ZBTB20: variants seen among roughly 807,000 people sequenced by gnomAD.
The protein encoded by ZBTB20 is zinc finger and BTB domain containing 20.
In ZBTB20, 9 loss-of-function variants were observed where a neutral mutation model predicts 56.9. The observed-to-expected ratio is 0.16, with a 90% CI of 0.10 to 0.28. The LOEUF (loss-of-function observed/expected upper bound fraction) is 0.28. Among genes scored for constraint, ZBTB20 ranks in the 10% least tolerant of loss-of-function variants. The pLI is 1.00. For synonymous variants in ZBTB20, 417 were observed against 420.7 expected (o/e 0.99, Z 0.11); for missense variants, 655 against 1,003.0 (o/e 0.65, Z 4.69).
intron 4 of ZBTB20, among the ~76,000 whole-genome samples, chr3:114,899,942 A>G (rs1399378743): frequency 6.6e-6 from 1 of 152,154 alleles, no homozygotes; most frequent in Non-Finnish European, 1.5e-5. Context: ...AAGCAGCAAA[A>G]TAAAAAAAAG....
intron 6 of ZBTB20, chr3:114,658,626 T>C (rs2060543108): frequency 6.6e-6 from 1 of 152,204 alleles, no homozygotes; most frequent in African/African-American, 2.4e-5. Flanking sequence ...TTGCTCTCTA[T>C]CATCTCCGTG....
chr3:114,641,212 A>G (rs1038320977), intron 6 of ZBTB20, among the ~76,000 whole-genome samples: 1 of 152,008 alleles, frequency 6.6e-6, no homozygotes. Context: ...GACTGTAGAA[A>G]AATTTGGCCA....
rs986092033 is a variant in ZBTB20, at chr3:114,856,992, A to G, written c.-417+43312T>C. On this transcript the variant is annotated intron_variant, in intron 4 of 11. Transcript: ENST00000675478. ...CCCTGAATTTCTTACATATTAAAAA[A>G]AAGTCACTGGTTTGTTGAGATACCA... Among the ~76,000 whole-genome samples, 9 of 152,308 alleles carry G rather than the reference A, an allele frequency of 5.9e-5. No individual in the cohort carries two copies. The South Asian group carries it at 1.7e-3, about 28-fold the overall frequency.
intron 4 of ZBTB20, among the ~76,000 whole-genome samples, chr3:114,827,547 T>C (rs1387261114): frequency 1.3e-5 from 2 of 151,970 alleles, no homozygotes; most frequent in Middle Eastern, 6.8e-3. Context: ...TATCTACTAG[T>C]AGTAATACTT....
intron 5 of ZBTB20, among the ~76,000 whole-genome samples, chr3:114,732,782 C>A (rs1271465372): frequency 6.6e-6 from 1 of 152,080 alleles, no homozygotes. Context: ...GCAGGTTGGA[C>A]TTTAAATGCA....
chr3:114,696,239 CA>C (rs1392457794), intron 5 of ZBTB20, among the ~76,000 whole-genome samples: 1 of 152,000 alleles, frequency 6.6e-6, no homozygotes, highest in Non-Finnish European at 1.5e-5. Context: ...CAGTGTTAAA[CA>C]AATTCATAAC....
At chr3:114,648,075 A>T (rs1228732118) in intron 6 of ZBTB20, among the ~76,000 whole-genome samples, 2 of 152,030 alleles carry the variant, frequency 1.3e-5, no homozygotes, top group Admixed American at 1.3e-4. Context: ...ATTTTGTGCT[A>T]TGTTTTGACT....
chr3:114,618,238 C>CCT (rs1553768477), intron 6 of ZBTB20, among the ~76,000 whole-genome samples: 1 of 119,292 alleles, frequency 8.4e-6, no homozygotes, highest in Non-Finnish European at 1.7e-5. Flanking sequence ...TGTTTCTTTC[C>CCT]TTTTTTTTTT....
intron 6 of ZBTB20, among the ~76,000 whole-genome samples, chr3:114,649,615 G>T (rs1274841451): frequency 6.6e-6 from 1 of 151,824 alleles, no homozygotes; most frequent in African/African-American, 2.4e-5. Flanking sequence ...TTCCACATGT[G>T]TCATAGGAAT....
At chr3:114,620,512 G>A (rs1221127958) in intron 6 of ZBTB20, among the ~76,000 whole-genome samples, 1 of 152,020 alleles carries the variant, frequency 6.6e-6, no homozygotes, top group Non-Finnish European at 1.5e-5. Flanking sequence ...GGCTGGTCTC[G>A]AACTCCTGAC....
chr3:114,468,715 T>C (rs1380866586), intron 7 of ZBTB20, among the ~76,000 whole-genome samples: 2 of 152,134 alleles, frequency 1.3e-5, no homozygotes, highest in Non-Finnish European at 2.9e-5. Context: ...GTCTTTGCAA[T>C]GCTATTATTT....
chr3:114,611,434 G>A (rs2057543997), intron 6 of ZBTB20, among the ~76,000 whole-genome samples: 1 of 152,174 alleles, frequency 6.6e-6, no homozygotes. Flanking sequence ...AACATCAAGA[G>A]TAATTTATGT....
At chr3:114,804,422 A>C (rs2071948562) in intron 4 of ZBTB20, among the ~76,000 whole-genome samples, 1 of 151,918 alleles carries the variant, frequency 6.6e-6, no homozygotes, top group Non-Finnish European at 1.5e-5. Flanking sequence ...ATGTTAATTC[A>C]GGCACTTCTC....
At chr3:114,712,992 A>G (rs1448424109) in intron 5 of ZBTB20, among the ~76,000 whole-genome samples, 1 of 152,194 alleles carries the variant, frequency 6.6e-6, no homozygotes, top group Admixed American at 6.5e-5. Context: ...CGATGTATCT[A>G]TATGTAGGAT....
intron 3 of ZBTB20, among the ~76,000 whole-genome samples, chr3:114,902,859 G>A (rs1179524255): frequency 1.3e-5 from 2 of 152,116 alleles, no homozygotes; most frequent in Non-Finnish European, 2.9e-5. Context: ...CACCACCAGG[G>A]AAAGAAAAGA....
In ZBTB20 at chr3:114,420,541, C is replaced by A. The variant is rs544179553; in HGVS notation, c.-254-31436G>T. ...ATACAGGAGAATGATGTCTCCTTGA[C>A]TTTTGTCTGACTCTTCTCTGGTTTT... On this transcript the variant is annotated intron_variant, in intron 7 of 11. Coordinates refer to ENST00000675478, the MANE Select transcript of ZBTB20 (RefSeq NM_001348800.3). Among the ~76,000 whole-genome samples the A allele has an allele frequency of 1.2e-4, 18 of 152,234 alleles. No individual in the cohort carries two copies. In the East Asian group the frequency reaches 3.5e-3, roughly 29 times the overall value.
chr3:114,415,093 T>A (rs935711194), intron 7 of ZBTB20, among the ~76,000 whole-genome samples: 2 of 152,036 alleles, frequency 1.3e-5, no homozygotes, highest in Non-Finnish European at 2.9e-5. Flanking sequence ...GAAAAATCAA[T>A]GTGGTTTGAT....
rs2087868344 is a variant in ZBTB20 at position 114,410,815 on chromosome 3, G to T, written c.-254-21710C>A. Reference sequence around the variant, plus strand: ...GGAGCAGACAGGTGGCAGATTTGAGGTCCGGAGGAGAGGAAGGGCTCCATT... The same window carrying T: ...GGAGCAGACAGGTGGCAGATTTGAGTTCCGGAGGAGAGGAAGGGCTCCATT... On this transcript the variant is annotated intron_variant, in intron 7 of 11. Coordinates refer to ENST00000675478, the MANE Select transcript of ZBTB20 (RefSeq NM_001348800.3). 2.0e-5 allele frequency among the ~76,000 whole-genome samples: 3 copies of T among 152,126 alleles called. No homozygotes were observed. The South Asian group carries it at 6.2e-4, about 31-fold the overall frequency.
At chr3:114,912,241 T>C in intron 3 of ZBTB20, among the ~76,000 whole-genome samples, 1 of 150,266 alleles carries the variant, frequency 6.7e-6, no homozygotes, top group Non-Finnish European at 1.5e-5. Flanking sequence ...AGGGAGGTCA[T>C]CACAAGACTT....
Sources: allele counts gnomAD v4.1 joint callset (sites outside exome capture counted in the v4.1 genomes callset), GRCh38; gene constraint gnomAD v4.1.1; transcripts MANE v1.5; gene names NCBI Gene and HGNC (gene_info 2026-07-23, HGNC 2026-07-21).